CACNG2: variants seen among roughly 807,000 people sequenced by gnomAD.
CACNG2 encodes the protein calcium voltage-gated channel auxiliary subunit gamma 2.
Under a neutral mutation model 25.9 loss-of-function variants are expected in CACNG2, and 3 were observed. That is an observed-to-expected ratio of 0.12 (90% confidence interval 0.05 to 0.30). The LOEUF is 0.30. Ranked by LOEUF, CACNG2 falls within the 10% of genes least tolerant of loss-of-function variation. CACNG2 has a pLI of 1.00. For missense variants in CACNG2, 341 were observed against 432.5 expected (o/e 0.79, Z 1.88); for synonymous variants, 167 against 173.3 (o/e 0.96, Z 0.29).
At chr22:36,588,584 A>G (rs1411700359) in intron 1 of CACNG2, among the ~76,000 whole-genome samples, 1 of 152,234 alleles carries the variant, frequency 6.6e-6, no homozygotes, top group East Asian at 1.9e-4. Context: ...GATTGGGTGT[A>G]TGCTGGGGCG....
Position 36,563,183 on chromosome 22 carries a change from G to A in CACNG2, c.*1168C>T, listed in dbSNP as rs558124074. Among the ~76,000 whole-genome samples the A allele has an allele frequency of 7.2e-5, 11 of 151,952 alleles. No individual in the cohort carries two copies. Among genetic ancestry groups the A allele is most frequent in the Admixed American group, 1.3e-4 (2 of 15,276 alleles). On this transcript the variant is annotated 3_prime_UTR_variant, in exon 4 of 4. Coordinates refer to ENST00000300105, the MANE Select transcript of CACNG2 (RefSeq NM_006078.5). ...TTTTGTAAAAAGAAGCCTTTTTGCAGTGTCATTGTTGAACCCGCTGGGCCC... is the reference window on the plus strand; with the variant it reads ...TTTTGTAAAAAGAAGCCTTTTTGCAATGTCATTGTTGAACCCGCTGGGCCC...
chr22:36,588,445 T>C (rs1935538564), intron 1 of CACNG2, among the ~76,000 whole-genome samples: 1 of 152,188 alleles, frequency 6.6e-6, no homozygotes, highest in African/African-American at 2.4e-5. Context: ...AACCGATAAG[T>C]AGCACAGACT....
chr22:36,579,767 G>A (rs1022049629), intron 2 of CACNG2, among the ~76,000 whole-genome samples: 1 of 152,164 alleles, frequency 6.6e-6, no homozygotes, highest in African/African-American at 2.4e-5. Flanking sequence ...CTTTGCACTG[G>A]CGGTTCCCTC....
At chr22:36,565,195 A>G (rs768554994) in intron 3 of CACNG2, among the ~76,000 whole-genome samples, 2 of 152,196 alleles carry the variant, frequency 1.3e-5, no homozygotes, top group Admixed American at 1.3e-4. Context: ...AGCCTTCTCT[A>G]CCTGCTTTCA....
At chr22:36,632,517 T>C (rs1480713323) in intron 1 of CACNG2, among the ~76,000 whole-genome samples, 2 of 147,266 alleles carry the variant, frequency 1.4e-5, no homozygotes, top group African/African-American at 5.0e-5. Flanking sequence ...CTCTTCCCCC[T>C]TCTCTCTCTC....
intron 1 of CACNG2, among the ~76,000 whole-genome samples, chr22:36,590,141 A>T (rs540663014): frequency 6.6e-6 from 1 of 152,208 alleles, no homozygotes; most frequent in East Asian, 1.9e-4. Flanking sequence ...CAGGAACAGG[A>T]GCTCACATTC....
At chr22:36,634,161 T>A (rs1936319989) in intron 1 of CACNG2, among the ~76,000 whole-genome samples, 1 of 152,358 alleles carries the variant, frequency 6.6e-6, no homozygotes, top group East Asian at 1.9e-4. Context: ...GAGACTACTA[T>A]GAACCACCTA....
intron 1 of CACNG2, among the ~76,000 whole-genome samples, chr22:36,625,222 G>A (rs1936167706): frequency 6.6e-6 from 1 of 152,044 alleles, no homozygotes; most frequent in Non-Finnish European, 1.5e-5. Context: ...AGGAGAGAAC[G>A]CTGGATAGAG....
intron 1 of CACNG2, among the ~76,000 whole-genome samples, chr22:36,698,931 C>T (rs1280778699): frequency 6.6e-6 from 1 of 152,142 alleles, no homozygotes; most frequent in Non-Finnish European, 1.5e-5. Context: ...GAATTTCTTG[C>T]TGTCCCTGGA....
In CACNG2 at chr22:36,702,891, C is replaced by CA; in HGVS notation, c.-316dup. On this transcript the variant is annotated 5_prime_UTR_variant, in exon 1 of 4. Coordinates refer to ENST00000300105, the MANE Select transcript of CACNG2 (RefSeq NM_006078.5). ...AATAAAAAGACACCCCCCACCCCCCCAAGTGAGATGCCTTAATCTCTTTTT... is the reference window on the plus strand; with the variant it reads ...AATAAAAAGACACCCCCCACCCCCCCAAAGTGAGATGCCTTAATCTCTTTTT... 7.7e-6 allele frequency: 2 copies of CA among 258,386 alleles called. No individual in the cohort carries two copies. The highest frequency in any genetic ancestry group is 1.5e-5 in the Non-Finnish European group (2 of 137,166). The allele number at this position is 258,386 out of a possible 1,614,324, so 16.0% of individuals were successfully genotyped here.
chr22:36,672,830 A>C (rs1936970512), intron 1 of CACNG2, among the ~76,000 whole-genome samples: 1 of 152,232 alleles, frequency 6.6e-6, no homozygotes, highest in African/African-American at 2.4e-5. Flanking sequence ...TTTGAGAAGC[A>C]AATGAGAACT....
At chr22:36,580,369 A>C (rs1428306333) in intron 2 of CACNG2, among the ~76,000 whole-genome samples, 1 of 152,084 alleles carries the variant, frequency 6.6e-6, no homozygotes, top group Non-Finnish European at 1.5e-5. Context: ...CATCGTCCTC[A>C]GGTGGTCAGT....
At position 36,564,105 on chromosome 22, in the gene CACNG2, C is replaced by T. The variant is rs1935078523; in HGVS notation, c.*246G>A. On this transcript the variant is annotated 3_prime_UTR_variant, in exon 4 of 4. Transcript: ENST00000300105. The surrounding 1 kb of genome is among the most constrained non-coding windows in gnomAD (Gnocchi z 6.7). ...GTTTTCTTCCCTCGTTTATATTTTC[C>T]CACATTTCCTGTTGTTTTGCTTCTT... is the stretch of plus-strand genomic sequence containing the variant. 2.7e-6 allele frequency: 1 copy of T among 366,196 alleles called. No homozygotes were observed. The highest frequency in any genetic ancestry group is 4.2e-5 in the East Asian group (1 of 23,950). The allele number at this position is 366,196 out of a possible 1,614,324, so 22.7% of individuals were successfully genotyped here. A position where few individuals can be genotyped will look rare whatever the true frequency, so the allele number is the denominator to read the frequency against.
intron 2 of CACNG2, among the ~76,000 whole-genome samples, chr22:36,577,961 G>C (rs546931591): frequency 6.6e-6 from 1 of 152,264 alleles, no homozygotes; most frequent in African/African-American, 2.4e-5. Context: ...AATGCTCCCA[G>C]GGTGCAGTCC....
chr22:36,648,629 A>T (rs940895095), intron 1 of CACNG2, among the ~76,000 whole-genome samples: 1 of 152,124 alleles, frequency 6.6e-6, no homozygotes, highest in Admixed American at 6.5e-5. Context: ...GTGAACATCC[A>T]TTCATCACTT....
chr22:36,640,223 G>A (rs1936422537), intron 1 of CACNG2, among the ~76,000 whole-genome samples: 1 of 152,202 alleles, frequency 6.6e-6, no homozygotes, highest in Non-Finnish European at 1.5e-5. Context: ...GGGCGGTTGT[G>A]AGGAATCTGC....
Position 36,614,890 on chromosome 22 carries a change from A to C in CACNG2, c.212-27342T>G, listed in dbSNP as rs551961460. ...ATGTCCGTGGACTTACTGCACATGG[A>C]GAAAGAAGCTTCGGAGTCTGGGGGA... On this transcript the variant is annotated intron_variant, in intron 1 of 3. Coordinates refer to ENST00000300105, the MANE Select transcript of CACNG2 (RefSeq NM_006078.5). 2.2e-4 allele frequency among the ~76,000 whole-genome samples: 34 copies of C among 152,324 alleles called. 1 individual carries two copies. The highest frequency in any genetic ancestry group is 2.0e-3 in the Admixed American group (30 of 15,300).
chr22:36,587,314 G>C, intron 2 of CACNG2, 151 bp downstream of exon 2: 2 of 719,384 alleles, frequency 2.8e-6, no homozygotes, highest in South Asian at 2.9e-5. Context: ...CACATATGAA[G>C]GTCTGTACTC....
intron 1 of CACNG2, among the ~76,000 whole-genome samples, chr22:36,593,371 C>T (rs1038755303): frequency 6.6e-6 from 1 of 152,070 alleles, no homozygotes; most frequent in Non-Finnish European, 1.5e-5. Flanking sequence ...GACTGAATGG[C>T]GGCGGCCATG....
Sources: allele counts gnomAD v4.1 joint callset (sites outside exome capture counted in the v4.1 genomes callset), GRCh38; gene constraint gnomAD v4.1.1; non-coding constraint Gnocchi (gnomAD v3.1); transcripts MANE v1.5; gene names NCBI Gene and HGNC (gene_info 2026-07-23, HGNC 2026-07-21).